TRIM29: variants seen among roughly 807,000 people sequenced by gnomAD.
TRIM29 encodes the protein tripartite motif-containing protein 29.
In TRIM29, 52 loss-of-function variants were observed where a neutral mutation model predicts 57.3. The ratio of observed to expected loss-of-function variants is 0.91; its 90% confidence interval spans 0.73 to 1.14. The LOEUF is 1.14. Ranked by LOEUF, TRIM29 falls within the 50% of genes most tolerant of loss-of-function variation. The pLI is 0.00. For missense variants in TRIM29, 753 were observed against 774.6 expected (o/e 0.97, Z 0.33); for synonymous variants, 319 against 316.9 (o/e 1.01, Z -0.07).
At chr11:120,113,400 C>G (rs1414474556) in intron 8 of TRIM29, 1 of 289,380 alleles carries the variant, frequency 3.5e-6, no homozygotes, top group Non-Finnish European at 7.0e-6. Flanking sequence ...TTAGCTGCTG[C>G]TCACCCACGC....
chr11:120,113,979 T>C (rs1037093557), intron 8 of TRIM29, among the ~76,000 whole-genome samples: 57 of 152,088 alleles, frequency 3.7e-4, no homozygotes, highest in African/African-American at 1.4e-3. Context: ...GTGGAAGAGC[T>C]GCAAAATCAT....
At chr11:120,133,120 TACACA>T (rs1280489774) in intron 1 of TRIM29, among the ~76,000 whole-genome samples, 2 of 152,324 alleles carry the variant, frequency 1.3e-5, no homozygotes, top group Admixed American at 1.3e-4. Flanking sequence ...CCAACCCAGC[TACACA>T]TTAGAATTCT....
At chr11:120,117,857 C>T in intron 7 of TRIM29, 1 of 269,256 alleles carries the variant, frequency 3.7e-6, no homozygotes, top group Non-Finnish European at 7.2e-6. Context: ...GACCCTAGAG[C>T]CAGCCAACGC....
Position 120,118,205 on chromosome 11 carries a change from C to G in TRIM29, c.1627+18G>C, listed in dbSNP as rs1394711016. 1 of 1,609,736 alleles carries G rather than the reference C, an allele frequency of 6.2e-7. No homozygotes were observed. The highest frequency in any genetic ancestry group is 8.5e-7 in the Non-Finnish European group (1 of 1,176,456). ...GGCAGCTGTGGAGGAAAGCAGGGGCCAGGGTGGGCAAGCTCACCTTTCAGG... is the reference window on the plus strand; with the variant it reads ...GGCAGCTGTGGAGGAAAGCAGGGGCGAGGGTGGGCAAGCTCACCTTTCAGG... On this transcript the variant is annotated intron_variant, in intron 7 of 8. Transcript: ENST00000341846.
At chr11:120,120,690 T>A (rs1350204811) in intron 5 of TRIM29, 25 bp from the exon 6 acceptor site, 8 of 1,610,134 alleles carry the variant, frequency 5.0e-6, no homozygotes, top group Middle Eastern at 3.3e-4. Flanking sequence ...AAGGGGGCTG[T>A]CATTGCAGAA....
Position 120,137,132 on chromosome 11 carries a change from C to A in TRIM29, c.804+96G>T. The A allele has an allele frequency of 7.1e-7, 1 of 1,404,982 alleles. No individual in the cohort carries two copies. Among genetic ancestry groups the A allele is most frequent in the Non-Finnish European group, 9.8e-7 (1 of 1,025,368 alleles). 87.0% of individuals were successfully genotyped at this position (1,404,982 alleles called of 1,614,324 possible). On this transcript the variant is annotated intron_variant, in intron 1 of 8. Transcript: ENST00000341846. This position sits in a 1 kb window ranked among gnomAD's most constrained non-coding sequence, Gnocchi z 6.2. ...GCCAAGGACAGTAGAAACTTAAGCC[C>A]CAAACCCGAGGAAGCCCGAGTGGAG...
In TRIM29 at chr11:120,112,833, G is replaced by A. The variant is rs150878993; in HGVS notation, c.1705-357C>T. ...ACTTTCTACTCCACAGAACTTCACA[G>A]CACTGTGTCGAGGGCTGTATGTGGA... On this transcript the variant is annotated intron_variant, in intron 8 of 8. Coordinates refer to ENST00000341846, the MANE Select transcript of TRIM29 (RefSeq NM_012101.4). Among the ~76,000 whole-genome samples the A allele has an allele frequency of 1.3e-3, 199 of 152,254 alleles. 1 individual carries two copies. The highest frequency in any genetic ancestry group is 1.6e-3 in the Non-Finnish European group (112 of 68,016).
Position 120,137,831 on chromosome 11 carries a change from G to C in TRIM29, c.201C>G (p.Ser67Arg). The change falls in exon 1 of 9, where the codon AGC (serine) becomes AGG (arginine). Residue 67 changes from serine (S) to arginine (R), a missense_variant. By Grantham distance (110) the Ser-to-Arg change is moderately radical (BLOSUM62 -1). Coordinates refer to ENST00000341846, the MANE Select transcript of TRIM29 (RefSeq NM_012101.4). This position sits in a 1 kb window ranked among gnomAD's most constrained non-coding sequence, Gnocchi z 6.2. ...GCCACTCATTGCCCGCGAACAGGGC[G>C]CTCCTACCTTCCCCTGGCTTCAGGG... ...GSALKPGEGR[S>R]ALFAGNEWRR... is the part of the protein sequence containing the mutation. 1.9e-6 allele frequency: 3 copies of C among 1,612,348 alleles called. No individual in the cohort carries two copies. Among genetic ancestry groups the C allele is most frequent in the African/African-American group, 1.3e-5 (1 of 75,042 alleles).
intron 1 of TRIM29, among the ~76,000 whole-genome samples, chr11:120,136,954 G>A (rs1863828655): frequency 6.6e-6 from 1 of 152,162 alleles, no homozygotes; most frequent in Admixed American, 6.5e-5. Context: ...TATGACTTTG[G>A]TCAGGCCCTC....
chr11:120,115,378 G>A lies in TRIM29; in HGVS notation c.1664C>T (p.Ala555Val), dbSNP rs2134981422. Reference protein sequence around the residue: ...PSLMRSQSPKAQPQTWKSGKQ... With the variant: ...PSLMRSQSPKVQPQTWKSGKQ... ...GCCAGATTTCCAAGTCTGGGGCTGG[G>A]CCTTGGGGCTTTGGCTCCGCATGAG... Residue 555 changes from alanine to valine, a missense_variant, in exon 8 of 9, where the codon GCC becomes GTC. Physicochemically the swap from Ala to Val is moderately conservative, Grantham distance 64. Transcript: ENST00000341846. 6.2e-7 allele frequency: 1 copy of A among 1,613,972 alleles called. No individual in the cohort carries two copies. The highest frequency in any genetic ancestry group is 8.5e-7 in the Non-Finnish European group (1 of 1,179,978).
intron 5 of TRIM29, among the ~76,000 whole-genome samples, chr11:120,121,081 C>A (rs1450819529): frequency 1.3e-5 from 2 of 152,154 alleles, no homozygotes; most frequent in Admixed American, 6.5e-5. Context: ...TCACAACAGC[C>A]TTGTGAGGAA....
At chr11:120,128,016 C>T (rs751263922) in intron 2 of TRIM29, among the ~76,000 whole-genome samples, 1 of 152,200 alleles carries the variant, frequency 6.6e-6, no homozygotes, top group Non-Finnish European at 1.5e-5. Flanking sequence ...TTGTGGTTTG[C>T]AATTACCCAA....
At chr11:120,115,488 G>T in intron 7 of TRIM29, 74 bp from the exon 8 acceptor site, 1 of 1,311,692 alleles carries the variant, frequency 7.6e-7, no homozygotes, top group Non-Finnish European at 1.1e-6. Flanking sequence ...GAGCAGCACA[G>T]CTGCCTTCTC....
chr11:120,119,675 C>T (rs1314868271), intron 6 of TRIM29, among the ~76,000 whole-genome samples: 1 of 152,160 alleles, frequency 6.6e-6, no homozygotes, highest in Non-Finnish European at 1.5e-5. Flanking sequence ...GCTGTGAATC[C>T]AATTCTGGAT....
chr11:120,125,781 C>A lies in TRIM29; in HGVS notation c.1243G>T (p.Asp415Tyr), dbSNP rs370717882. ...LGQSLGNFKD[D>Y]LLNVCMRHVE... ...TGGCGCATGCATACATTGAGCAGGT[C>A]GTCCTTGAAGTTGCCTAGTGACTGT... Residue 415 changes from aspartate to tyrosine, a missense_variant, in exon 4 of 9, where the codon GAC (aspartate) becomes TAC (tyrosine). Transcript: ENST00000341846. 1 of 1,614,188 alleles carries A rather than the reference C, an allele frequency of 6.2e-7. No homozygotes were observed. The highest frequency in any genetic ancestry group is 1.1e-5 in the South Asian group (1 of 91,076).
At chr11:120,127,686 A>C in intron 2 of TRIM29, 117 bp from the exon 3 acceptor site, 1 of 907,418 alleles carries the variant, frequency 1.1e-6, no homozygotes, top group East Asian at 2.7e-5. Flanking sequence ...CCACTGCCCC[A>C]ACCTGGCAAG....
At chr11:120,128,577 G>A (rs1190070400) in intron 1 of TRIM29, 82 bp from the exon 2 acceptor site, 3 of 1,519,506 alleles carry the variant, frequency 2.0e-6, no homozygotes, top group Admixed American at 1.9e-5. Context: ...GCTCCACTCA[G>A]GGGGCACACT....
At chr11:120,128,575 C>G in intron 1 of TRIM29, 80 bp from the exon 2 acceptor site, 1 of 1,522,070 alleles carries the variant, frequency 6.6e-7, no homozygotes, top group Middle Eastern at 1.7e-4. Context: ...CGGCTCCACT[C>G]AGGGGGCACA....
At chr11:120,120,733 A>C (rs1863422577) in intron 5 of TRIM29, 68 bp from the exon 6 acceptor site, 19 of 1,447,238 alleles carry the variant, frequency 1.3e-5, no homozygotes, top group Non-Finnish European at 1.7e-5. Context: ...GCCCCCAAAA[A>C]GTTGCCCAAG....
Sources: gnomAD v4.1 joint callset for allele counts (sites outside exome capture counted in the v4.1 genomes callset) on GRCh38, gnomAD v4.1.1 for gene constraint, Gnocchi (gnomAD v3.1) non-coding constraint, MANE v1.5 for transcripts, NCBI Gene and HGNC (gene_info 2026-07-23, HGNC 2026-07-21) for gene names.